The following ENTHD1 variants were observed in gnomAD, a reference collection of about 807,000 sequenced individuals.
The protein encoded by ENTHD1 is ENTH domain containing 1, also known as ENTH domain-containing protein 1.
A neutral mutation model predicts 39.1 loss-of-function variants in ENTHD1; 23 were observed. The observed-to-expected ratio is 0.59, with a 90% CI of 0.42 to 0.83. ENTHD1 has a LOEUF of 0.83. Among genes scored for constraint, ENTHD1 ranks in the 40% least tolerant of loss-of-function variants. The pLI, the probability that ENTHD1 is intolerant of heterozygous loss-of-function variation, is 0.00. For synonymous variants in ENTHD1, 230 were observed against 258.2 expected (o/e 0.89, Z 1.05); for missense variants, 624 against 705.4 (o/e 0.88, Z 1.31).
At chr22:39,786,454 G>A (rs1248529179) in intron 5 of ENTHD1, among the ~76,000 whole-genome samples, 2 of 152,114 alleles carry the variant, frequency 1.3e-5, no homozygotes, top group Non-Finnish European at 1.5e-5. Flanking sequence ...AGTGGCTGAC[G>A]TGGAATGGGG....
chr22:39,766,019 C>CGAAAAAAAA (rs2065273835), intron 5 of ENTHD1, among the ~76,000 whole-genome samples: 1 of 48,340 alleles, frequency 2.1e-5, no homozygotes. Context: ...CCCTCAGCTA[C>CGAAAAAAAA]AAAAAAAAAA....
rs77915572 is a variant in ENTHD1 at position 39,814,295 on chromosome 22, C to CAAAAAA, written c.832+6692_832+6697dup. On this transcript the variant is annotated intron_variant, in intron 5 of 6. Transcript: ENST00000325157. ...GCAACATGGCAAAACCCCATCTCTA[C>CAAAAAA]AAAAAAAAAAAAAAAATAACCAGGT... Among the ~76,000 whole-genome samples the CAAAAAA allele has an allele frequency of 2.8e-3, 277 of 97,636 alleles. 1 individual carries two copies. The highest frequency in any genetic ancestry group is 9.3e-3 in the African/African-American group (255 of 27,488). The allele number at this position is 97,636 out of a possible 152,430, so 64.1% of individuals were successfully genotyped here.
chr22:39,743,649 G>A lies in ENTHD1; in HGVS notation c.*30C>T, dbSNP rs1227958925. On this transcript the variant is annotated 3_prime_UTR_variant, in exon 7 of 7. Coordinates refer to ENST00000325157, the MANE Select transcript of ENTHD1 (RefSeq NM_152512.4). ...AAGTCTTGGGGAAGTGGAACCACAC[G>A]AGTTCTATCAAAAATAGATATTGTG... 2 of 1,543,896 alleles carry A rather than the reference G, an allele frequency of 1.3e-6. No individual in the cohort carries two copies. The highest frequency in any genetic ancestry group is 2.0e-5 in the Admixed American group (1 of 49,246).
At chr22:39,815,523 G>A (rs1366456577) in intron 5 of ENTHD1, among the ~76,000 whole-genome samples, 1 of 151,898 alleles carries the variant, frequency 6.6e-6, no homozygotes, top group Admixed American at 6.6e-5. Flanking sequence ...GGGAAAAATT[G>A]GTGAGGACAT....
At chr22:39,885,233 G>C (rs930700811) in intron 2 of ENTHD1, among the ~76,000 whole-genome samples, 1 of 152,080 alleles carries the variant, frequency 6.6e-6, no homozygotes, top group South Asian at 2.1e-4. Flanking sequence ...TGCCAACAAC[G>C]ACATGAAAAG....
intron 4 of ENTHD1, among the ~76,000 whole-genome samples, chr22:39,830,428 C>T (rs756996357): frequency 5.3e-5 from 8 of 151,950 alleles, no homozygotes; most frequent in Admixed American, 1.3e-4. Context: ...TAAAGAACAG[C>T]GAAATTTTAA....
intron 6 of ENTHD1, among the ~76,000 whole-genome samples, chr22:39,761,551 A>G (rs2065232993): frequency 6.6e-6 from 1 of 151,790 alleles, no homozygotes; most frequent in Non-Finnish European, 1.5e-5. Flanking sequence ...ACCTTTTAGA[A>G]CTCCAATTAC....
intron 6 of ENTHD1, among the ~76,000 whole-genome samples, chr22:39,747,837 G>A (rs1188041200): frequency 6.6e-6 from 1 of 151,962 alleles, no homozygotes; most frequent in African/African-American, 2.4e-5. Context: ...CTTCACACAC[G>A]AAAATAATAA....
At chr22:39,836,089 G>A (rs970713463) in intron 3 of ENTHD1, 131 bp from the exon 4 acceptor site, 3 of 559,464 alleles carry the variant, frequency 5.4e-6, no homozygotes, top group Non-Finnish European at 9.3e-6. Flanking sequence ...CCATCTGCCA[G>A]TGGTAACCTA....
intron 3 of ENTHD1, among the ~76,000 whole-genome samples, chr22:39,839,346 T>C (rs2065928029): frequency 6.6e-6 from 1 of 152,142 alleles, no homozygotes; most frequent in African/African-American, 2.4e-5. Flanking sequence ...TAGGAACAGA[T>C]ACTCTAAGGA....
intron 6 of ENTHD1, 34 bp from the exon 7 acceptor site, chr22:39,744,317 G>A: frequency 6.5e-7 from 1 of 1,537,782 alleles, no homozygotes; most frequent in Non-Finnish European, 8.7e-7. Context: ...AAAGATTTAT[G>A]CAACATACAA....
At chr22:39,780,844 A>G (rs1331022075) in intron 5 of ENTHD1, among the ~76,000 whole-genome samples, 1 of 151,980 alleles carries the variant, frequency 6.6e-6, no homozygotes, top group African/African-American at 2.4e-5. Flanking sequence ...TAAAAATACA[A>G]AAAAATTAGC....
In ENTHD1 at chr22:39,744,261, T is replaced by C. The variant is rs1166092019; in HGVS notation, c.1242A>G (p.Ala414=). ...ACATGGATAAAGGAGAAAAGGAAGA[T>C]GCTCCCTCAGAAGCAGTTGAAACTA... The part of the protein sequence containing the change: ...TTRVSTASEG[A]SSFSPLSMSS... Residue 414 remains alanine (A), a synonymous_variant, in exon 7 of 7, where the codon GCA becomes GCG. Transcript: ENST00000325157. 6.2e-7 allele frequency: 1 copy of C among 1,603,048 alleles called. No homozygotes were observed. The highest frequency in any genetic ancestry group is 8.5e-7 in the Non-Finnish European group (1 of 1,175,958).
At chr22:39,888,107 G>A (rs2066397091) in intron 1 of ENTHD1, among the ~76,000 whole-genome samples, 2 of 151,936 alleles carry the variant, frequency 1.3e-5, no homozygotes, top group South Asian at 4.2e-4. Flanking sequence ...AAGAAATATA[G>A]GTTGTCTTTC....
chr22:39,873,692 T>C (rs1306789921), intron 2 of ENTHD1, among the ~76,000 whole-genome samples: 1 of 152,198 alleles, frequency 6.6e-6, no homozygotes, highest in African/African-American at 2.4e-5. Flanking sequence ...ATGGAAATAC[T>C]CTATTATTAA....
intron 4 of ENTHD1, among the ~76,000 whole-genome samples, chr22:39,829,521 A>G (rs1395151506): frequency 6.6e-6 from 1 of 152,192 alleles, no homozygotes; most frequent in East Asian, 1.9e-4. Flanking sequence ...ACGGTAGCTC[A>G]CGCCTGTTAT....
chr22:39,797,577 A>C (rs74952260), intron 5 of ENTHD1, among the ~76,000 whole-genome samples: 14,754 of 152,034 alleles, frequency 0.097, 800 homozygotes, highest in African/African-American at 0.14. Context: ...AGAAATCAAC[A>C]TTTTGCTTCC....
At chr22:39,754,144 A>C (rs1298506521) in intron 6 of ENTHD1, among the ~76,000 whole-genome samples, 1 of 152,208 alleles carries the variant, frequency 6.6e-6, no homozygotes, top group African/African-American at 2.4e-5. Context: ...CTCTGTGGCA[A>C]TTATTCAACT....
chr22:39,767,321 T>C (rs1452590716), intron 5 of ENTHD1, among the ~76,000 whole-genome samples: 1 of 152,194 alleles, frequency 6.6e-6, no homozygotes, highest in East Asian at 1.9e-4. Context: ...ATTTAGATGA[T>C]TGAAAGTCTG....
Sources: gnomAD v4.1 joint callset for allele counts (sites outside exome capture counted in the v4.1 genomes callset) on GRCh38, gnomAD v4.1.1 for gene constraint, MANE v1.5 for transcripts, NCBI Gene and HGNC (gene_info 2026-07-23, HGNC 2026-07-21) for gene names.